Variants in ATP6AP2 observed in about 807,000 individuals in gnomAD.
ATP6AP2 encodes ATPase H+ transporting accessory protein 2, also known as renin receptor.
In ATP6AP2, 1 loss-of-function variant was observed where a neutral mutation model predicts 23.4. The observed-to-expected ratio is 0.04, with a 90% CI of 0.02 to 0.20. ATP6AP2 has a LOEUF of 0.20. ATP6AP2 is among the 10% of genes least tolerant of loss of function. The pLI is 1.00. For synonymous variants in ATP6AP2, 90 were observed against 97.1 expected (o/e 0.93, Z 0.43); for missense variants, 174 against 271.3 (o/e 0.64, Z 2.52).
In ATP6AP2 at chrX:40,581,773, A is replaced by G. The variant is rs995253909; in HGVS notation, c.37+671A>G. Among the ~76,000 whole-genome samples, 17 of 112,064 alleles carry G rather than the reference A, an allele frequency of 1.5e-4. No individual in the cohort carries two copies. The South Asian group carries it at 3.0e-3, about 20-fold the overall frequency. On this transcript the variant is annotated intron_variant, in intron 1 of 8. Transcript: ENST00000636580. Reference sequence around the variant, plus strand: ...CTTTCTGAGTAGAACCTAGATTCCTAAGCATTCAGCAAGAGGTGAAGAAAT... The same window carrying G: ...CTTTCTGAGTAGAACCTAGATTCCTGAGCATTCAGCAAGAGGTGAAGAAAT...
intron 1 of ATP6AP2, 63 bp downstream of exon 1, chrX:40,581,165 C>T (rs1926311525): frequency 2.6e-6 from 2 of 783,771 alleles, no homozygotes; most frequent in East Asian, 8.5e-5. Context: ...GCTTGGGGGT[C>T]GGGGGCGGCC....
At chrX:40,595,696 C>A (rs752823991) in intron 3 of ATP6AP2, among the ~76,000 whole-genome samples, 2 of 111,729 alleles carry the variant, frequency 1.8e-5, no homozygotes, top group African/African-American at 6.5e-5. Context: ...TCTATGATCG[C>A]TAAAGGAAAG....
intron 2 of ATP6AP2, 184 bp from the exon 3 acceptor site, chrX:40,591,050 G>A: frequency 2.0e-6 from 1 of 489,324 alleles, no homozygotes; most frequent in East Asian, 3.9e-5. Context: ...AATGAAGAGG[G>A]TAGAAATCAG....
chrX:40,597,832 C>T, intron 5 of ATP6AP2, 168 bp downstream of exon 5: 1 of 518,718 alleles, frequency 1.9e-6, no homozygotes, highest in Non-Finnish European at 3.2e-6. Context: ...GCCACTGCAT[C>T]TGGCCTCCCA....
At chrX:40,598,999 A>G in intron 6 of ATP6AP2, 1 of 373,062 alleles carries the variant, frequency 2.7e-6, no homozygotes, top group Non-Finnish European at 4.7e-6. Context: ...CCATAGTCCT[A>G]ACTTGGCTGT....
Position 40,605,882 on chromosome X carries a change from T to G in ATP6AP2, c.*127T>G. On this transcript the variant is annotated 3_prime_UTR_variant, in exon 9 of 9. Transcript: ENST00000636580. ...ATAAAAAAAAATCAAATTTTGTTCT[T>G]TATTTTGTGTGTGCCTGTGATGTTT... 3.3e-6 allele frequency: 2 copies of G among 606,294 alleles called. No individual in the cohort carries two copies. Among genetic ancestry groups the G allele is most frequent in the Non-Finnish European group, 5.1e-6 (2 of 393,654 alleles). 50.0% of individuals were successfully genotyped at this position (606,294 alleles called of 1,213,427 possible). A position where few individuals can be genotyped will look rare whatever the true frequency, so the allele number is the denominator to read the frequency against.
rs72623241 is a variant in ATP6AP2 at position 40,584,260 on chromosome X, G to T, written c.37+3158G>T. Among the ~76,000 whole-genome samples the T allele has an allele frequency of 6.6e-4, 72 of 109,768 alleles. No individual in the cohort carries two copies. In the East Asian group the frequency reaches 0.013, roughly 20 times the overall value. On this transcript the variant is annotated intron_variant, in intron 1 of 8. Transcript: ENST00000636580. The stretch of plus-strand genomic sequence containing the variant: ...CCCAGCTAATTTTTTGTTTGTTTTT[G>T]TAGAGATGAGGTCTCAAACTCTTGG...
At chrX:40,588,045 T>C (rs1462236962) in intron 1 of ATP6AP2, among the ~76,000 whole-genome samples, 14 of 112,640 alleles carry the variant, frequency 1.2e-4, no homozygotes, top group African/African-American at 4.5e-4. Context: ...TGGAGAAAAG[T>C]TCCTTTCAGT....
At chrX:40,584,266 A>G (rs1248198089) in intron 1 of ATP6AP2, among the ~76,000 whole-genome samples, 1 of 109,213 alleles carries the variant, frequency 9.2e-6, no homozygotes, top group Non-Finnish European at 1.9e-5. Context: ...TTTTGTAGAG[A>G]TGAGGTCTCA....
rs34217273 is a variant in ATP6AP2, at chrX:40,591,350, G to A, written c.285G>A (p.Ser95=). ...KLALPPGSVI[S]YPLENAVPFS... Reference sequence around the variant, plus strand: ...CTCTACCCCCAGGCAGTGTCATTTCGTACCCTTTGGAGAATGTGAGTATTT... The same window carrying A: ...CTCTACCCCCAGGCAGTGTCATTTCATACCCTTTGGAGAATGTGAGTATTT... The change falls in exon 3 of 9, where the codon TCG becomes TCA. Residue 95 remains serine (S), a synonymous_variant. Coordinates refer to ENST00000636580, the MANE Select transcript of ATP6AP2 (RefSeq NM_005765.3). 3,752 of 1,209,308 alleles carry A rather than the reference G, an allele frequency of 3.1e-3. 70 individuals carry two copies. In the African/African-American group the frequency reaches 0.055, roughly 18 times the overall value.
intron 1 of ATP6AP2, among the ~76,000 whole-genome samples, chrX:40,587,270 AAAAC>A (rs748728438): frequency 3.6e-5 from 4 of 112,506 alleles, no homozygotes; most frequent in African/African-American, 6.5e-5. Flanking sequence ...ACTCTGTCTC[AAAAC>A]AAACAAACAA....
At chrX:40,591,592 A>G in intron 3 of ATP6AP2, 1 of 389,504 alleles carries the variant, frequency 2.6e-6, no homozygotes, top group East Asian at 5.1e-5. Flanking sequence ...AAGATAAGAG[A>G]TAGAGAAATT....
chrX:40,581,683 A>C (rs1000487240), intron 1 of ATP6AP2, among the ~76,000 whole-genome samples: 2 of 111,932 alleles, frequency 1.8e-5, no homozygotes, highest in African/African-American at 3.3e-5. Context: ...CAGAGTTCCA[A>C]ATTTTAAGGA....
rs374449836 is a variant in ATP6AP2 at position 40,588,973 on chromosome X, G to A, written c.38-13G>A. ...ATGTTGATAATTCATTTACTGATCTGTTTTCTTTTCAGGTGTTTTGGGGAA... is the reference window on the plus strand; with the variant it reads ...ATGTTGATAATTCATTTACTGATCTATTTTCTTTTCAGGTGTTTTGGGGAA... On this transcript the variant is annotated splice_polypyrimidine_tract_variant and intron_variant, in intron 1 of 8. Coordinates refer to ENST00000636580, the MANE Select transcript of ATP6AP2 (RefSeq NM_005765.3). 47 of 1,203,257 alleles carry A rather than the reference G, an allele frequency of 3.9e-5. No individual in the cohort carries two copies. The highest frequency in any genetic ancestry group is 4.8e-5 in the Non-Finnish European group (43 of 889,837).
At chrX:40,597,731 G>C in intron 5 of ATP6AP2, 67 bp downstream of exon 5, 1 of 1,094,848 alleles carries the variant, frequency 9.1e-7, no homozygotes. Flanking sequence ...AATAGAGACA[G>C]GGTCTCACTC....
At chrX:40,599,942 A>G (rs1926864997) in intron 7 of ATP6AP2, 1 of 443,110 alleles carries the variant, frequency 2.3e-6, no homozygotes, top group Admixed American at 4.0e-5. Flanking sequence ...AAAGAACAGC[A>G]TTAGGAAAAG....
chrX:40,606,068 G>A lies in ATP6AP2; in HGVS notation c.*313G>A, dbSNP rs1449831672. The stretch of plus-strand genomic sequence containing the variant: ...AAATGTAAAACATTTAGAATAGCTC[G>A]TGTTATGGAAAAAAGTGCACTGAAT... On this transcript the variant is annotated 3_prime_UTR_variant, in exon 9 of 9. Coordinates refer to ENST00000636580, the MANE Select transcript of ATP6AP2 (RefSeq NM_005765.3). 1.3e-5 allele frequency: 3 copies of A among 234,537 alleles called. No individual in the cohort carries two copies. The highest frequency in any genetic ancestry group is 6.6e-5 in the Admixed American group (1 of 15,256). 19.3% of individuals were successfully genotyped at this position (234,537 alleles called of 1,213,427 possible). A position where few individuals can be genotyped will look rare whatever the true frequency, so the allele number is the denominator to read the frequency against.
intron 7 of ATP6AP2, chrX:40,600,047 A>G: frequency 3.7e-6 from 1 of 271,068 alleles, no homozygotes; most frequent in Non-Finnish European, 6.7e-6. Flanking sequence ...GTTCAGTGGT[A>G]TTAAGTGCAA....
intron 5 of ATP6AP2, 50 bp downstream of exon 5, chrX:40,597,714 T>C: frequency 8.7e-7 from 1 of 1,145,017 alleles, no homozygotes; most frequent in Non-Finnish European, 1.2e-6. Context: ...TTTCCGTCTT[T>C]TTAAAAAATA....
Sources: gnomAD v4.1 joint callset for allele counts (sites outside exome capture counted in the v4.1 genomes callset) on GRCh38, gnomAD v4.1.1 for gene constraint, MANE v1.5 for transcripts, NCBI Gene and HGNC (gene_info 2026-07-23, HGNC 2026-07-21) for gene names.